CYFIP1: variants seen among roughly 807,000 people sequenced by gnomAD.
The protein encoded by CYFIP1 is cytoplasmic FMR1-interacting protein 1.
Under a neutral mutation model 163.5 loss-of-function variants are expected in CYFIP1, and 58 were observed. The ratio of observed to expected loss-of-function variants is 0.35; its 90% CI spans 0.29 to 0.44. The LOEUF (loss-of-function observed/expected upper bound fraction) is 0.44. CYFIP1 is among the 20% of genes least tolerant of loss of function. The probability of loss-of-function intolerance (pLI) is 1.00; values close to 1 mark genes in which losing one functional copy is unlikely to be tolerated. For missense variants in CYFIP1, 1,338 were observed against 1,653.8 expected, an observed-to-expected ratio of 0.81 and a Z score of 3.31; for synonymous variants, 663 against 660.7, an observed-to-expected ratio of 1.00 and a Z score of -0.05.
In CYFIP1 at chr15:22,917,707, G is replaced by T; in HGVS notation, c.1674+81C>A. On this transcript the variant is annotated intron_variant, in intron 15 of 30. Coordinates refer to ENST00000617928, the MANE Select transcript of CYFIP1 (RefSeq NM_014608.6). This position sits in a 1 kb window ranked among gnomAD's most constrained non-coding sequence, Gnocchi z 4.2. Reference sequence around the variant, plus strand: ...GCAGCGAGGACCTCATTTAACCCGGGCCTCACCAGCCCCACCCGCTCACAG... The same window carrying T: ...GCAGCGAGGACCTCATTTAACCCGGTCCTCACCAGCCCCACCCGCTCACAG... The T allele has an allele frequency of 1.4e-6, 2 of 1,466,498 alleles. No homozygotes were observed. The highest frequency in any genetic ancestry group is 1.8e-6 in the Non-Finnish European group (2 of 1,102,584). 90.8% of individuals were successfully genotyped at this position (1,466,498 alleles called of 1,614,324 possible). A position where few individuals can be genotyped will look rare whatever the true frequency, so the allele number is the denominator to read the frequency against.
At position 22,923,846 on chromosome 15, in the gene CYFIP1, G is replaced by C. The variant is rs2061268208; in HGVS notation, c.1359+2136C>G. On this transcript the variant is annotated intron_variant, in intron 13 of 30. Transcript: ENST00000617928. ...TGGTCCTAGCTACTTGGGAGGCTGG[G>C]GAGGGAGGATTGTCTGAGCCCAGAA... is the stretch of plus-strand genomic sequence containing the variant. 1.3e-5 allele frequency among the ~76,000 whole-genome samples: 2 copies of C among 150,372 alleles called. 1 individual carries two copies. The highest frequency in any genetic ancestry group is 1.3e-4 in the Admixed American group (2 of 15,022).
At chr15:22,925,112 C>A (rs1040966507) in intron 13 of CYFIP1, among the ~76,000 whole-genome samples, 4 of 152,022 alleles carry the variant, frequency 2.6e-5, no homozygotes, top group African/African-American at 9.7e-5. Flanking sequence ...AGGTGGAACC[C>A]AAGAACACTG....
chr15:22,919,374 C>G (rs1447870390), intron 13 of CYFIP1, among the ~76,000 whole-genome samples: 2 of 152,164 alleles, frequency 1.3e-5, no homozygotes, highest in Non-Finnish European at 2.9e-5. Flanking sequence ...TTCCCTGTTT[C>G]CAGACAGTAA....
chr15:22,946,585 G>A, intron 3 of CYFIP1: 1 of 323,528 alleles, frequency 3.1e-6, no homozygotes. Context: ...AGGTTGCAGT[G>A]AACCAAGATC....
At chr15:22,891,195 C>T (rs911317241) in intron 23 of CYFIP1, among the ~76,000 whole-genome samples, 20 of 152,112 alleles carry the variant, frequency 1.3e-4, no homozygotes, top group African/African-American at 3.1e-4. Flanking sequence ...GAGGCCGATG[C>T]GGGCAGATCA....
At chr15:22,879,662 C>A (rs1376265026) in intron 26 of CYFIP1, among the ~76,000 whole-genome samples, 1 of 151,896 alleles carries the variant, frequency 6.6e-6, no homozygotes, top group Non-Finnish European at 1.5e-5. Flanking sequence ...GAAAACATCA[C>A]ATAATATAAC....
chr15:22,876,459 G>A (rs1050338072), intron 26 of CYFIP1, among the ~76,000 whole-genome samples: 1 of 151,966 alleles, frequency 6.6e-6, no homozygotes, highest in African/African-American at 2.4e-5. Flanking sequence ...CATTCTGCCT[G>A]CTTCAAACTC....
intron 25 of CYFIP1, among the ~76,000 whole-genome samples, chr15:22,880,749 C>T (rs1476746529): frequency 6.6e-6 from 1 of 152,136 alleles, no homozygotes; most frequent in Non-Finnish European, 1.5e-5. Flanking sequence ...AGGTCTTGCC[C>T]GAGTGCCCCT....
At position 22,873,509 on chromosome 15, in the gene CYFIP1, G is replaced by C; in HGVS notation, c.3431C>G (p.Thr1144Arg). ...MQFVYCIPVG[T>R]HEFTVEQCFG... ...CACTTACTCGACTGTGAACTCGTGT[G>C]TCCCCACGGGAATGCAGTAGACAAA... Residue 1144 changes from threonine (T) to arginine (R), a missense_variant, in exon 29 of 31, where the codon ACA becomes AGA. Thr to Arg is a moderately conservative substitution (Grantham distance 71). Around this residue, in one of 4 missense-constraint regions of CYFIP1, gnomAD observed 306 missense variants for 322.1 expected, o/e 0.95. Transcript: ENST00000617928. 3 of 1,613,812 alleles carry C rather than the reference G, an allele frequency of 1.9e-6. No homozygotes were observed. Among genetic ancestry groups the C allele is most frequent in the Non-Finnish European group, 1.7e-6 (2 of 1,179,732 alleles).
intron 21 of CYFIP1, among the ~76,000 whole-genome samples, chr15:22,908,518 C>CTTTTTTTTTTTTTTTTTTTTT (rs58565266): frequency 1.3e-5 from 1 of 75,480 alleles, no homozygotes; most frequent in African/African-American, 6.0e-5. Context: ...GAAGATATTT[C>CTTTTTTTTTTTTTTTTTTTTT]TTTTTTTTTT....
Position 22,867,464 on chromosome 15 carries a change from T to A in CYFIP1, c.*2564A>T. ...TGATCACCGTGAATCCGGCTTCCTCTGAGCATTCGATGGCCTTAGCACCTC... is the reference window on the plus strand; with the variant it reads ...TGATCACCGTGAATCCGGCTTCCTCAGAGCATTCGATGGCCTTAGCACCTC... On this transcript the variant is annotated 3_prime_UTR_variant, in exon 31 of 31. Coordinates refer to ENST00000617928, the MANE Select transcript of CYFIP1 (RefSeq NM_014608.6). The A allele has an allele frequency of 3.0e-6, 1 of 336,432 alleles. No homozygotes were observed. The highest frequency in any genetic ancestry group is 5.3e-6 in the Non-Finnish European group (1 of 188,432). The allele number at this position is 336,432 out of a possible 1,614,324, so 20.8% of individuals were successfully genotyped here. A position where few individuals can be genotyped will look rare whatever the true frequency, so the allele number is the denominator to read the frequency against.
chr15:22,873,015 G>A lies in CYFIP1; in HGVS notation c.3450-43C>T, dbSNP rs374786698. ...AAACAGAATGGGAGATGAGTGATAC[G>A]TTATGAAGTCTTTTCTCAGTCTGTC... On this transcript the variant is annotated intron_variant, in intron 29 of 30. Transcript: ENST00000617928. 918 of 1,602,342 alleles carry A rather than the reference G, an allele frequency of 5.7e-4. 4 individuals carry two copies. Among genetic ancestry groups the A allele is most frequent in the Non-Finnish European group, 7.0e-4 (822 of 1,171,918 alleles).
In CYFIP1 at chr15:22,932,232, G is replaced by A; in HGVS notation, c.1101C>T (p.Ser367=). Residue 367 remains serine, a synonymous_variant, in exon 11 of 31, where the codon AGC becomes AGT. Transcript: ENST00000617928. ...AGGTCGCGGGGCGCACCTCGCTGTT[G>A]CTGTAGCGCGCCAGCTCCGAAATGA... ...MRFISELARY[S]NSEVVTGSGR... is the part of the protein sequence containing the mutation. The A allele has an allele frequency of 2.5e-6, 4 of 1,610,652 alleles. No homozygotes were observed. The highest frequency in any genetic ancestry group is 1.3e-5 in the African/African-American group (1 of 74,912).
chr15:22,881,695 CCAACACACCTCTTCCTGGTTGTAAGGTG>C (rs1417069053), intron 25 of CYFIP1, 123 bp downstream of exon 25: 9 of 724,642 alleles, frequency 1.2e-5, no homozygotes, highest in Non-Finnish European at 2.1e-5. Flanking sequence ...GACAGTGACC[CCAACACACCTCTTCCTGGTTGTAAGGTG>C]CATTTGTCTG....
rs372562805 is a variant in CYFIP1, at chr15:22,881,883, C to G, written c.2874G>C (p.Lys958Asn). 2 of 1,612,328 alleles carry G rather than the reference C, an allele frequency of 1.2e-6. No homozygotes were observed. Among genetic ancestry groups the G allele is most frequent in the Non-Finnish European group, 1.7e-6 (2 of 1,180,020 alleles). The change falls in exon 25 of 31, where the codon AAG becomes AAC. Residue 958 changes from lysine (K) to asparagine (N), a missense_variant. Lys to Asn is a moderately conservative substitution (Grantham distance 94). Around this residue, in one of 4 missense-constraint regions of CYFIP1, gnomAD observed 824 missense variants for 995.7 expected, o/e 0.83. Transcript: ENST00000617928. ...YVKTLMEVMP[K>N]ICRLPRHEYG... is the part of the protein sequence containing the mutation. ...ACTCGTGCCGGGGCAGGCGGCAGAT[C>G]TTGGGCATCACCTCCATCAGCGTCT...
chr15:22,958,088 A>T (rs2062541193), intron 1 of CYFIP1, among the ~76,000 whole-genome samples: 1 of 151,048 alleles, frequency 6.6e-6, no homozygotes, highest in Admixed American at 6.6e-5. Flanking sequence ...TTATTACTGA[A>T]GTAATTTGCT....
At chr15:22,892,233 C>T in intron 23 of CYFIP1, among the ~76,000 whole-genome samples, 1 of 152,346 alleles carries the variant, frequency 6.6e-6, no homozygotes, top group South Asian at 2.1e-4. Flanking sequence ...CTCATTTCAT[C>T]TCTCTTCGTT....
In CYFIP1 at chr15:22,944,545, T is replaced by C; in HGVS notation, c.387+13A>G. 1 of 1,579,480 alleles carries C rather than the reference T, an allele frequency of 6.3e-7. No homozygotes were observed. On this transcript the variant is annotated intron_variant, in intron 5 of 30. Coordinates refer to ENST00000617928, the MANE Select transcript of CYFIP1 (RefSeq NM_014608.6). ...TCGGTGTTACACCCCCCCCAGATTATTTGCCATTTTACCTGGAAGTACATG... is the reference window on the plus strand; with the variant it reads ...TCGGTGTTACACCCCCCCCAGATTACTTGCCATTTTACCTGGAAGTACATG...
At chr15:22,900,848 T>C (rs956126976) in intron 22 of CYFIP1, among the ~76,000 whole-genome samples, 7 of 151,620 alleles carry the variant, frequency 4.6e-5, no homozygotes, top group African/African-American at 1.7e-4. Context: ...AATAAGCAAA[T>C]AATAAACAAA....
Sources: allele counts gnomAD v4.1 joint callset (sites outside exome capture counted in the v4.1 genomes callset), GRCh38; gene constraint gnomAD v4.1.1; regional missense constraint gnomAD v4.1.1; non-coding constraint Gnocchi (gnomAD v3.1); transcripts MANE v1.5; gene names NCBI Gene and HGNC (gene_info 2026-07-23, HGNC 2026-07-21).